RNF17: variants seen among roughly 807,000 people sequenced by gnomAD.
RNF17 encodes spermatogenesis associated 23.
In RNF17, 31 loss-of-function variants were observed where a neutral mutation model predicts 200.5. That is an observed-to-expected ratio of 0.15 (90% CI 0.12 to 0.21). The LOEUF (loss-of-function observed/expected upper bound fraction) is 0.21. Among genes scored for constraint, RNF17 ranks in the 10% least tolerant of loss-of-function variants. The pLI is 1.00. For synonymous variants in RNF17, 606 were observed against 637.8 expected, an observed-to-expected ratio of 0.95 and a Z score of 0.75; for missense variants, 1,628 against 1,905.1, an observed-to-expected ratio of 0.85 and a Z score of 2.71.
chr13:24,879,116 G>A (rs1217076501), intron 34 of RNF17, 71 bp from the exon 35 acceptor site: 14 of 1,134,902 alleles, frequency 1.2e-5, no homozygotes, highest in Non-Finnish European at 1.3e-6. Context: ...CCGTGTGAAT[G>A]GCCAGATATG....
intron 14 of RNF17, 124 bp from the exon 15 acceptor site, chr13:24,804,164 A>T: frequency 1.3e-6 from 1 of 795,188 alleles, no homozygotes; most frequent in Non-Finnish European, 2.0e-6. Context: ...TGGGAGGCTG[A>T]GGTGGGAGGA....
chr13:24,804,527 C>A, intron 15 of RNF17, 98 bp downstream of exon 15: 2 of 854,144 alleles, frequency 2.3e-6, no homozygotes, highest in Non-Finnish European at 3.5e-6. Context: ...TTAGTCAGAG[C>A]AAACGTACCA....
chr13:24,882,773 G>A (rs77868928), downstream of RNF17: 24,841 of 189,004 alleles, frequency 0.13, 1,884 homozygotes, highest in East Asian at 0.3. Flanking sequence ...TGGCTACAGA[G>A]ACACGTGTTT....
At chr13:24,767,172 T>C (rs1164344750) in intron 1 of RNF17, 100 bp from the exon 2 acceptor site, 1 of 746,038 alleles carries the variant, frequency 1.3e-6, no homozygotes, top group African/African-American at 1.7e-5. Flanking sequence ...GAGGCTGCAG[T>C]GAGCTGGTGC....
At chr13:24,778,234 C>A in intron 3 of RNF17, 61 bp from the exon 4 acceptor site, 1 of 1,158,446 alleles carries the variant, frequency 8.6e-7, no homozygotes, top group Non-Finnish European at 1.3e-6. Context: ...TGCACTCTGG[C>A]CTGGGTGACA....
At chr13:24,838,418 A>C (rs755120059) in intron 18 of RNF17, among the ~76,000 whole-genome samples, 12 of 152,230 alleles carry the variant, frequency 7.9e-5, no homozygotes, top group Non-Finnish European at 1.2e-4. Flanking sequence ...ATGAACATAG[A>C]TGTTAAAATC....
intron 1 of RNF17, among the ~76,000 whole-genome samples, chr13:24,765,258 G>T (rs971531796): frequency 7.2e-5 from 11 of 151,942 alleles, no homozygotes; most frequent in African/African-American, 2.4e-4. Context: ...CTCGTGATCC[G>T]CCCGTCTTGG....
intron 31 of RNF17, among the ~76,000 whole-genome samples, chr13:24,869,767 T>C (rs1017498183): frequency 5.9e-5 from 9 of 151,432 alleles, no homozygotes; most frequent in African/African-American, 2.0e-4. Context: ...TGTGGTTTTT[T>C]GTTTGTTTGT....
chr13:24,796,021 T>A, intron 10 of RNF17, 116 bp from the exon 11 acceptor site: 2 of 643,180 alleles, frequency 3.1e-6, no homozygotes, highest in Non-Finnish European at 5.0e-6. Context: ...CGTGCGATAT[T>A]CCCAGAGTTC....
intron 11 of RNF17, among the ~76,000 whole-genome samples, chr13:24,797,528 A>G (rs1034317587): frequency 7.2e-5 from 11 of 152,222 alleles, no homozygotes; most frequent in African/African-American, 2.4e-4. Flanking sequence ...AAAAAAATCA[A>G]TTCCTGGTTT....
downstream of RNF17, chr13:24,882,326 T>C (rs986759438): frequency 6.6e-6 from 1 of 151,628 alleles, no homozygotes; most frequent in Non-Finnish European, 1.5e-5. Context: ...CACCTGGAAT[T>C]GATAGATTTC....
intron 15 of RNF17, among the ~76,000 whole-genome samples, chr13:24,815,290 A>G (rs1887241480): frequency 6.6e-6 from 1 of 152,092 alleles, no homozygotes; most frequent in South Asian, 2.1e-4. Flanking sequence ...ATTCTTTTAG[A>G]TGTTGTTGTA....
the RNF17 span, chr13:24,885,232 GTTTA>G: frequency 4.6e-6 from 6 of 1,298,924 alleles, no homozygotes; most frequent in East Asian, 2.3e-5. Context: ...TTTAACCCAT[GTTTA>G]TTTTTTATAG....
At chr13:24,776,777 G>T (rs1881627210) in intron 3 of RNF17, among the ~76,000 whole-genome samples, 1 of 152,170 alleles carries the variant, frequency 6.6e-6, no homozygotes, top group Non-Finnish European at 1.5e-5. Context: ...TTCCTACTCA[G>T]CTGTAGCCAG....
intron 18 of RNF17, among the ~76,000 whole-genome samples, chr13:24,836,328 G>C (rs949121992): frequency 1.3e-5 from 2 of 152,218 alleles, no homozygotes; most frequent in African/African-American, 2.4e-5. Flanking sequence ...CCTTGCTAGA[G>C]ACCTAGATAT....
chr13:24,845,105 C>T (rs1787002394), intron 22 of RNF17, 26 bp downstream of exon 22: 4 of 1,100,760 alleles, frequency 3.6e-6, no homozygotes, highest in Non-Finnish European at 5.4e-6. Context: ...GTAATTTTCT[C>T]ATTATTTTAA....
At chr13:24,781,063 C>A (rs1377693013) in intron 5 of RNF17, among the ~76,000 whole-genome samples, 2 of 152,064 alleles carry the variant, frequency 1.3e-5, no homozygotes, top group African/African-American at 4.8e-5. Flanking sequence ...GATAGACATT[C>A]CACATTCCCA....
intron 16 of RNF17, among the ~76,000 whole-genome samples, chr13:24,828,484 T>A (rs1174254560): frequency 1.3e-5 from 2 of 152,156 alleles, no homozygotes; most frequent in African/African-American, 4.8e-5. Context: ...TGTTTCGTTG[T>A]TTACTTGTGT....
intron 19 of RNF17, among the ~76,000 whole-genome samples, chr13:24,842,875 T>C (rs1408941328): frequency 1.3e-5 from 2 of 151,948 alleles, no homozygotes; most frequent in East Asian, 3.9e-4. Flanking sequence ...TAGTCCCAGC[T>C]ACTCGGGAGG....
Sources: gnomAD v4.1 joint callset for allele counts (sites outside exome capture counted in the v4.1 genomes callset) on GRCh38, gnomAD v4.1.1 for gene constraint, MANE v1.5 for transcripts, NCBI Gene and HGNC (gene_info 2026-07-23, HGNC 2026-07-21) for gene names.